The following C8orf82 variants were observed in gnomAD, a reference collection of about 807,000 sequenced individuals.
C8orf82 encodes the protein chromosome 8 open reading frame 82.
A neutral mutation model predicts 15.0 loss-of-function variants in C8orf82; 24 were observed. The observed-to-expected ratio is 1.60, with a 90% CI of 1.16 to 2.24. C8orf82 has a LOEUF of 2.24. C8orf82 is among the 30% of genes most tolerant of loss of function. C8orf82 has a pLI of 0.00. For synonymous variants in C8orf82, 205 were observed against 152.2 expected (o/e 1.35, Z -2.55); for missense variants, 388 against 317.4 (o/e 1.22, Z -1.69).
At chr8:144,528,426 G>C in intron 1 of C8orf82, 4 of 1,486,396 alleles carry the variant, frequency 2.7e-6, no homozygotes, top group Non-Finnish European at 3.6e-6. Flanking sequence ...AGGGCGGCCC[G>C]GGTGTCTCCC....
intron 2 of C8orf82, 117 bp downstream of exon 2, chr8:144,527,907 C>G (rs1467707268): frequency 6.7e-7 from 1 of 1,502,684 alleles, no homozygotes; most frequent in African/African-American, 1.4e-5. Context: ...CAGCGGGGCT[C>G]CTGAGCGCAG....
intron 1 of C8orf82, 110 bp downstream of exon 1, chr8:144,528,651 C>A: frequency 2.5e-6 from 1 of 407,744 alleles, no homozygotes; most frequent in Non-Finnish European, 3.3e-6. Flanking sequence ...GTCCCTCCGG[C>A]CCCGCCCCTC....
Position 144,528,975 on chromosome 8 carries a change from C to T in C8orf82, c.-59G>A. 1 of 1,433,604 alleles carries T rather than the reference C, an allele frequency of 7.0e-7. No individual in the cohort carries two copies. Among genetic ancestry groups the T allele is most frequent in the Non-Finnish European group, 9.1e-7 (1 of 1,097,196 alleles). The allele number at this position is 1,433,604 out of a possible 1,614,324, so 88.8% of individuals were successfully genotyped here. On this transcript the variant is annotated 5_prime_UTR_variant, in exon 1 of 3. Coordinates refer to ENST00000524821, the MANE Select transcript of C8orf82 (RefSeq NM_001001795.2). Reference sequence around the variant, plus strand: ...CGCCGGGGGCGGTGCTGCGCGAACTCGCGCCTGCCCGCAGTAGCCCCGCGC... The same window carrying T: ...CGCCGGGGGCGGTGCTGCGCGAACTTGCGCCTGCCCGCAGTAGCCCCGCGC...
Position 144,528,997 on chromosome 8 carries a change from G to A in C8orf82, c.-81C>T, listed in dbSNP as rs1454921883. 2.2e-6 allele frequency: 3 copies of A among 1,348,572 alleles called. No homozygotes were observed. Among genetic ancestry groups the A allele is most frequent in the South Asian group, 1.7e-5 (1 of 58,934 alleles). The allele number at this position is 1,348,572 out of a possible 1,614,324, so 83.5% of individuals were successfully genotyped here. A position where few individuals can be genotyped will look rare whatever the true frequency, so the allele number is the denominator to read the frequency against. On this transcript the variant is annotated 5_prime_UTR_variant, in exon 1 of 3. Transcript: ENST00000524821. ...ACTCGCGCCTGCCCGCAGTAGCCCC[G>A]CGCTTCGCGTTCCGGCGGCGCCCGC...
chr8:144,527,869 G>A (rs779348895), intron 2 of C8orf82, 82 bp from the exon 3 acceptor site: 2 of 1,533,358 alleles, frequency 1.3e-6, no homozygotes, highest in South Asian at 2.2e-5. Flanking sequence ...GGCAGGCGCC[G>A]ACGGTAAGAG....
chr8:144,528,805 G>T lies in C8orf82; in HGVS notation c.112C>A (p.Pro38Thr), dbSNP rs1816506788. The change falls in exon 1 of 3, where the codon CCG becomes ACG. Residue 38 changes from proline (P) to threonine (T), a missense_variant. Transcript: ENST00000524821. Reference sequence around the variant, plus strand: ...TAGTAGAAATACTCGCGGGTCCGCGGCTCCGGACTCTGGCCCTGCGTGTAG... The same window carrying T: ...TAGTAGAAATACTCGCGGGTCCGCGTCTCCGGACTCTGGCCCTGCGTGTAG... ...VSYTQGQSPE[P>T]RTREYFYYVD... The T allele has an allele frequency of 1.3e-6, 2 of 1,483,808 alleles. No homozygotes were observed. Among genetic ancestry groups the T allele is most frequent in the Non-Finnish European group, 1.8e-6 (2 of 1,117,810 alleles). The allele number at this position is 1,483,808 out of a possible 1,614,324, so 91.9% of individuals were successfully genotyped here.
rs1282871224 is a variant in C8orf82, at chr8:144,527,178, C to A, written c.*164G>T. 5.4e-6 allele frequency: 2 copies of A among 372,332 alleles called. No individual in the cohort carries two copies. Among genetic ancestry groups the A allele is most frequent in the Non-Finnish European group, 8.1e-6 (2 of 245,558 alleles). The allele number at this position is 372,332 out of a possible 1,614,324, so 23.1% of individuals were successfully genotyped here. On this transcript the variant is annotated 3_prime_UTR_variant, in exon 3 of 3. Coordinates refer to ENST00000524821, the MANE Select transcript of C8orf82 (RefSeq NM_001001795.2). The stretch of plus-strand genomic sequence containing the variant: ...TGGGGAGCGGGGTGTCCGGGAGGGC[C>A]GGGCCGCGGCAGCACCAAGGACAGC...
rs1816421830 is a variant in C8orf82 at position 144,527,683 on chromosome 8, A to T, written c.310T>A (p.Phe104Ile). The change falls in exon 3 of 3, where the codon TTC becomes ATC. Residue 104 changes from phenylalanine (F) to isoleucine (I), a missense_variant. Phe to Ile is a conservative substitution (Grantham distance 21). Coordinates refer to ENST00000524821, the MANE Select transcript of C8orf82 (RefSeq NM_001001795.2). Reference protein sequence around the residue: ...FLSPCGRERNFLRCEDRPVVF... With the variant: ...FLSPCGRERNILRCEDRPVVF... Reference sequence around the variant, plus strand: ...ACCGGCCGGTCCTCGCAGCGCAGGAAGTTGCGCTCTCTGCCGCAGGGCGAG... The same window carrying T: ...ACCGGCCGGTCCTCGCAGCGCAGGATGTTGCGCTCTCTGCCGCAGGGCGAG... 6.4e-7 allele frequency: 1 copy of T among 1,574,326 alleles called. No homozygotes were observed. Among genetic ancestry groups the T allele is most frequent in the Non-Finnish European group, 8.6e-7 (1 of 1,167,962 alleles).
At position 144,528,963 on chromosome 8, in the gene C8orf82, G is replaced by C. The variant is rs1214687339; in HGVS notation, c.-47C>G. The C allele has an allele frequency of 2.0e-6, 3 of 1,463,678 alleles. No homozygotes were observed. Among genetic ancestry groups the C allele is most frequent in the East Asian group, 6.0e-5 (2 of 33,164 alleles). 90.7% of individuals were successfully genotyped at this position (1,463,678 alleles called of 1,614,324 possible). ...ACCAGCAGGTCACGCCGGGGGCGGT[G>C]CTGCGCGAACTCGCGCCTGCCCGCA... On this transcript the variant is annotated 5_prime_UTR_variant, in exon 1 of 3. Coordinates refer to ENST00000524821, the MANE Select transcript of C8orf82 (RefSeq NM_001001795.2).
Position 144,527,582 on chromosome 8 carries a change from G to C in C8orf82, c.411C>G (p.Ala137=). 1.3e-6 allele frequency: 2 copies of C among 1,496,722 alleles called. No individual in the cohort carries two copies. Among genetic ancestry groups the C allele is most frequent in the Non-Finnish European group, 1.8e-6 (2 of 1,127,984 alleles). The allele number at this position is 1,496,722 out of a possible 1,614,324, so 92.7% of individuals were successfully genotyped here. A position where few individuals can be genotyped will look rare whatever the true frequency, so the allele number is the denominator to read the frequency against. The change falls in exon 3 of 3, where the codon GCC becomes GCG. Residue 137 remains alanine (A), a synonymous_variant. Transcript: ENST00000524821. ...LSYCGGGEAL[A]VPFEPARLLP... ...GCAGGCGCGCCGGCTCGAAGGGCAC[G>C]GCCAGGGCCTCGCCACCGCCGCAGT...
In C8orf82 at chr8:144,525,927, G is replaced by A. The variant is rs1416029458; in HGVS notation, c.*1415C>T. 6.6e-6 allele frequency: 1 copy of A among 152,164 alleles called. No homozygotes were observed. Among genetic ancestry groups the A allele is most frequent in the Admixed American group, 6.5e-5 (1 of 15,276 alleles). The allele number at this position is 152,164 out of a possible 1,614,324, so 9.4% of individuals were successfully genotyped here. On this transcript the variant is annotated 3_prime_UTR_variant, in exon 3 of 3. Coordinates refer to ENST00000524821, the MANE Select transcript of C8orf82 (RefSeq NM_001001795.2). Reference sequence around the variant, plus strand: ...GAGTTTGCTGGGGGACCATATACATGTACTTGTCGTAAAGAAATGGGAAGG... The same window carrying A: ...GAGTTTGCTGGGGGACCATATACATATACTTGTCGTAAAGAAATGGGAAGG...
rs766134126 is a variant in C8orf82, at chr8:144,528,908, C to A, written c.9G>T (p.Pro3=). MW[P]PCGTLRTLAL... is the part of the protein sequence containing the mutation. ...CCAGGGTCCGGAGCGTCCCGCAAGG[C>A]GGCCACATTCTCCTCCCGCGCCGGA... Residue 3 remains proline, a synonymous_variant, in exon 1 of 3, where the codon CCG becomes CCT. Coordinates refer to ENST00000524821, the MANE Select transcript of C8orf82 (RefSeq NM_001001795.2). The A allele has an allele frequency of 6.6e-7, 1 of 1,508,542 alleles. No individual in the cohort carries two copies. Among genetic ancestry groups the A allele is most frequent in the Non-Finnish European group, 8.8e-7 (1 of 1,130,840 alleles). The allele number at this position is 1,508,542 out of a possible 1,614,324, so 93.4% of individuals were successfully genotyped here.
At chr8:144,528,338 A>G in intron 1 of C8orf82, 1 of 1,508,868 alleles carries the variant, frequency 6.6e-7, no homozygotes, top group Non-Finnish European at 8.9e-7. Context: ...CAGTTGTACC[A>G]CCTCCTCCGC....
intron 1 of C8orf82, 114 bp from the exon 2 acceptor site, chr8:144,528,186 C>T (rs879133398): frequency 6.5e-7 from 1 of 1,532,360 alleles, no homozygotes. Context: ...ACTTTTCCTG[C>T]TTGTCTGTGC....
In C8orf82 at chr8:144,526,721, G is replaced by A. The variant is rs1816374364; in HGVS notation, c.*621C>T. 1 of 152,266 alleles carries A rather than the reference G, an allele frequency of 6.6e-6. No individual in the cohort carries two copies. The highest frequency in any genetic ancestry group is 1.5e-5 in the Non-Finnish European group (1 of 68,060). The allele number at this position is 152,266 out of a possible 1,614,324, so 9.4% of individuals were successfully genotyped here. A position where few individuals can be genotyped will look rare whatever the true frequency, so the allele number is the denominator to read the frequency against. ...GTGCGAGGCCCAAGCTGGTCTTTGG[G>A]CGGCCCTTGCGCACCTCTGCAGCGC... On this transcript the variant is annotated 3_prime_UTR_variant, in exon 3 of 3. Transcript: ENST00000524821.
intron 1 of C8orf82, 145 bp downstream of exon 1, chr8:144,528,616 C>CCCGGGGGGGGGGGGGGGGGGGGGGGGCG: frequency 3.4e-6 from 1 of 296,006 alleles, no homozygotes; most frequent in Non-Finnish European, 5.1e-6. Flanking sequence ...GCGCAGGCCC[C>CCCGGGGGGGGGGGGGGGGGGGGGGGGCG]GCCCACCCAC....
chr8:144,529,064 C>T lies in C8orf82; in HGVS notation c.-148G>A, dbSNP rs905144085. On this transcript the variant is annotated 5_prime_UTR_variant, in exon 1 of 3. Coordinates refer to ENST00000524821, the MANE Select transcript of C8orf82 (RefSeq NM_001001795.2). The stretch of plus-strand genomic sequence containing the variant: ...CGGCGCTCTTCCCTCTCCCTCGGGC[C>T]TCGGGGGCTCGCCCGCCCTGGCCTT... 1.6e-5 allele frequency: 12 copies of T among 769,978 alleles called. No homozygotes were observed. Among genetic ancestry groups the T allele is most frequent in the Non-Finnish European group, 2.0e-5 (11 of 541,536 alleles). 47.7% of individuals were successfully genotyped at this position (769,978 alleles called of 1,614,324 possible).
Position 144,525,936 on chromosome 8 carries a change from G to T in C8orf82, c.*1406C>A, listed in dbSNP as rs1039719316. The T allele has an allele frequency of 6.6e-6, 1 of 152,132 alleles. No homozygotes were observed. Among genetic ancestry groups the T allele is most frequent in the Admixed American group, 6.6e-5 (1 of 15,262 alleles). 9.4% of individuals were successfully genotyped at this position (152,132 alleles called of 1,614,324 possible). ...GGGGGACCATATACATGTACTTGTC[G>T]TAAAGAAATGGGAAGGCTGGGGTCT... is the stretch of plus-strand genomic sequence containing the variant. On this transcript the variant is annotated 3_prime_UTR_variant, in exon 3 of 3. Transcript: ENST00000524821.
At position 144,526,851 on chromosome 8, in the gene C8orf82, C is replaced by T. The variant is rs1347893456; in HGVS notation, c.*491G>A. 1.3e-5 allele frequency: 2 copies of T among 152,258 alleles called. No homozygotes were observed. The highest frequency in any genetic ancestry group is 2.9e-5 in the Non-Finnish European group (2 of 68,046). The allele number at this position is 152,258 out of a possible 1,614,324, so 9.4% of individuals were successfully genotyped here. On this transcript the variant is annotated 3_prime_UTR_variant, in exon 3 of 3. Coordinates refer to ENST00000524821, the MANE Select transcript of C8orf82 (RefSeq NM_001001795.2). ...GGCGTGGCCTCCGCGTTCCCCATCC[C>T]CCTCCAGGACCCACGCCCTTCTCGG...
Sources: gnomAD v4.1 joint callset for allele counts on GRCh38, gnomAD v4.1.1 for gene constraint, MANE v1.5 for transcripts, NCBI Gene and HGNC (gene_info 2026-07-23, HGNC 2026-07-21) for gene names.